Variants in CCDC33 observed in about 807,000 individuals in gnomAD.
The protein encoded by CCDC33 is coiled-coil domain containing 33.
A neutral mutation model predicts 91.9 loss-of-function variants in CCDC33; 94 were observed. The observed-to-expected ratio is 1.02, with a 90% CI of 0.87 to 1.21. The LOEUF (loss-of-function observed/expected upper bound fraction) is 1.21. CCDC33 is among the 50% of genes most tolerant of loss of function. The probability of loss-of-function intolerance (pLI) is 0.00; values close to 1 mark genes in which losing one functional copy is unlikely to be tolerated. For missense variants in CCDC33, 940 were observed against 935.5 expected, an observed-to-expected ratio of 1.00 and a Z score of -0.06; for synonymous variants, 396 against 374.5, an observed-to-expected ratio of 1.06 and a Z score of -0.66.
At chr15:74,306,440 A>G (rs946672881) in intron 11 of CCDC33, among the ~76,000 whole-genome samples, 2 of 152,224 alleles carry the variant, frequency 1.3e-5, no homozygotes, top group African/African-American at 2.4e-5. Context: ...GCATGAAACC[A>G]TAACAGATCT....
At chr15:74,330,534 G>T in intron 12 of CCDC33, 129 bp from the exon 13 acceptor site, 1 of 1,068,476 alleles carries the variant, frequency 9.4e-7, no homozygotes, top group East Asian at 2.5e-5. Context: ...TCTCAGGGAT[G>T]GGAAACAGAG....
chr15:74,265,336 T>A (rs547267040), intron 3 of CCDC33, among the ~76,000 whole-genome samples: 1 of 152,278 alleles, frequency 6.6e-6, no homozygotes, highest in South Asian at 2.1e-4. Context: ...TTTCCTGTTC[T>A]CTGTTTTGTA....
chr15:74,283,150 A>G (rs1268590878), intron 10 of CCDC33, among the ~76,000 whole-genome samples: 3 of 152,178 alleles, frequency 2.0e-5, no homozygotes, highest in African/African-American at 4.8e-5. Flanking sequence ...ACTCCCTGCT[A>G]TAGGTGTTCA....
intron 2 of CCDC33, among the ~76,000 whole-genome samples, chr15:74,225,796 G>T (rs2074776704): frequency 6.6e-6 from 1 of 152,186 alleles, no homozygotes; most frequent in African/African-American, 2.4e-5. Context: ...GTGGGGAGCA[G>T]CAGGGTAGGA....
chr15:74,242,695 G>A (rs969055220), intron 1 of CCDC33, among the ~76,000 whole-genome samples: 6 of 152,136 alleles, frequency 3.9e-5, no homozygotes, highest in Admixed American at 6.5e-5. Context: ...AACTGGAAGT[G>A]GTGAGTCAGC....
chr15:74,318,320 T>C (rs905439386), intron 11 of CCDC33, among the ~76,000 whole-genome samples: 1 of 152,084 alleles, frequency 6.6e-6, no homozygotes, highest in Admixed American at 6.5e-5. Flanking sequence ...ACTCTGAGCC[T>C]GGGCCAGGGG....
chr15:74,209,839 A>C (rs1423475235), intron 2 of CCDC33: 1 of 173,460 alleles, frequency 5.8e-6, no homozygotes, highest in Non-Finnish European at 1.2e-5. Context: ...GAGAGAGTAG[A>C]TAAAGGCCGG....
chr15:74,282,126 G>A (rs1347968775), intron 10 of CCDC33, among the ~76,000 whole-genome samples: 4 of 152,220 alleles, frequency 2.6e-5, no homozygotes. Context: ...GGTTCTGCAA[G>A]GGTGAGCTAG....
intron 11 of CCDC33, among the ~76,000 whole-genome samples, chr15:74,309,263 A>G (rs2059946993): frequency 1.3e-5 from 2 of 151,972 alleles, no homozygotes; most frequent in Admixed American, 6.5e-5. Context: ...TATTCTACCC[A>G]TGCTCAATGG....
At chr15:74,278,884 C>T (rs1479199397) in intron 7 of CCDC33, among the ~76,000 whole-genome samples, 7 of 152,214 alleles carry the variant, frequency 4.6e-5, no homozygotes, top group Admixed American at 4.6e-4. Context: ...CCATCAAGTC[C>T]CCCGAGTGCC....
intron 17 of CCDC33, 74 bp downstream of exon 17, chr15:74,334,041 A>T: frequency 7.7e-7 from 1 of 1,305,864 alleles, no homozygotes; most frequent in African/African-American, 1.4e-5. Flanking sequence ...TCAGTGTGTG[A>T]GCAGAGTCTA....
intron 2 of CCDC33, among the ~76,000 whole-genome samples, chr15:74,221,814 G>C (rs1255496295): frequency 6.6e-6 from 1 of 152,090 alleles, no homozygotes; most frequent in Admixed American, 6.5e-5. Context: ...AGAGGCTCAG[G>C]GTGCTTCCTT....
chr15:74,261,668 T>C (rs1298951491), intron 2 of CCDC33, among the ~76,000 whole-genome samples: 1 of 152,222 alleles, frequency 6.6e-6, no homozygotes, highest in Non-Finnish European at 1.5e-5. Context: ...AGAAGAAGTA[T>C]TCACTCTCTC....
At chr15:74,292,149 G>C (rs2059596401) in intron 10 of CCDC33, among the ~76,000 whole-genome samples, 1 of 152,252 alleles carries the variant, frequency 6.6e-6, no homozygotes, top group Non-Finnish European at 1.5e-5. Flanking sequence ...AAGCAAATAA[G>C]TAGGCTTGTG....
chr15:74,292,206 G>T (rs1043719316), intron 10 of CCDC33, among the ~76,000 whole-genome samples: 7 of 152,202 alleles, frequency 4.6e-5, no homozygotes, highest in African/African-American at 1.7e-4. Flanking sequence ...GGAGAGCGAG[G>T]CAAGGCTGGG....
chr15:74,307,100 C>T lies in CCDC33; in HGVS notation c.1290+11152C>T, dbSNP rs72728829. 3.1e-3 allele frequency among the ~76,000 whole-genome samples: 474 copies of T among 152,030 alleles called. 2 individuals carry two copies. Among genetic ancestry groups the T allele is most frequent in the Non-Finnish European group, 4.5e-3 (306 of 67,970 alleles). ...CATCCTTAATTAAATGGTGGGTGGG[C>T]GAGGCAGGAGTGGAGCACTCTCGGT... On this transcript the variant is annotated intron_variant, in intron 11 of 18. Coordinates refer to ENST00000398814, the MANE Select transcript of CCDC33 (RefSeq NM_025055.5).
At chr15:74,221,241 T>TAACCAAAAAA in intron 2 of CCDC33, 1 of 848,026 alleles carries the variant, frequency 1.2e-6, no homozygotes, top group Non-Finnish European at 1.4e-6. Flanking sequence ...TTTTTTTTTT[T>TAACCAAAAAA]TTCACCAGAA....
intron 2 of CCDC33, among the ~76,000 whole-genome samples, chr15:74,256,640 C>T (rs974104740): frequency 3.9e-5 from 6 of 152,192 alleles, no homozygotes; most frequent in South Asian, 2.1e-4. Flanking sequence ...GGACAGGACA[C>T]GGCATGACAC....
intron 11 of CCDC33, among the ~76,000 whole-genome samples, chr15:74,308,992 C>A (rs1297656459): frequency 6.6e-6 from 1 of 151,956 alleles, no homozygotes; most frequent in African/African-American, 2.4e-5. Context: ...GGGGGGGCTC[C>A]TGTGGAGGGC....
Sources: allele counts gnomAD v4.1 joint callset (sites outside exome capture counted in the v4.1 genomes callset), GRCh38; gene constraint gnomAD v4.1.1; transcripts MANE v1.5; gene names NCBI Gene and HGNC (gene_info 2026-07-23, HGNC 2026-07-21).